The following ZNF212 variants were observed in gnomAD, a reference collection of about 807,000 sequenced individuals.
ZNF212 encodes the protein zinc finger protein 212, also known as Zinc finger protein C2H2-150.
Under a neutral mutation model 47.3 loss-of-function variants are expected in ZNF212, and 32 were observed. The observed-to-expected ratio is 0.68, with a 90% confidence interval of 0.51 to 0.91. ZNF212 has a LOEUF of 0.91. Among genes scored for constraint, ZNF212 ranks in the 40% least tolerant of loss-of-function variants. The probability of loss-of-function intolerance (pLI) is 0.00; values close to 1 mark genes in which losing one functional copy is unlikely to be tolerated. For synonymous variants in ZNF212, 242 were observed against 253.8 expected (o/e 0.95, Z 0.44); for missense variants, 555 against 622.8 (o/e 0.89, Z 1.16).
chr7:149,247,671 A>G (rs1035428580), intron 1 of ZNF212, among the ~76,000 whole-genome samples: 17 of 152,108 alleles, frequency 1.1e-4, no homozygotes, highest in African/African-American at 2.9e-4. Context: ...ACAGTTCTGG[A>G]GGTTAGGAGT....
intron 1 of ZNF212, among the ~76,000 whole-genome samples, chr7:149,243,458 A>G (rs567477745): frequency 2.5e-4 from 36 of 144,400 alleles, no homozygotes; most frequent in Middle Eastern, 7.0e-3. Context: ...AAAAAAAAAA[A>G]AGAGAGAGAG....
chr7:149,247,817 A>G (rs1185376401), intron 1 of ZNF212, among the ~76,000 whole-genome samples: 1 of 152,188 alleles, frequency 6.6e-6, no homozygotes, highest in Non-Finnish European at 1.5e-5. Flanking sequence ...ATGGCCCATT[A>G]TGTATTGGTG....
intron 3 of ZNF212, among the ~76,000 whole-genome samples, chr7:149,251,818 A>G (rs886093334): frequency 6.6e-6 from 1 of 151,486 alleles, no homozygotes; most frequent in African/African-American, 2.4e-5. Flanking sequence ...ATTTAAGACT[A>G]TTTGAGATGG....
Position 149,254,099 on chromosome 7 carries a change from AC to A in ZNF212, c.1174del (p.Leu392CysfsTer135). ...AGCCTGGTGACCCATCAGCGTTGCC[AC>A]CTGCAGGAGGGGCCCAGTGCCGGCC... Reference protein sequence around the residue: ...KVSLVTHQRCHLQEGPSAGQH... With the variant: ...KVSLVTHQRCXLQEGPSAGQH... On this transcript the variant is annotated frameshift_variant, in exon 5 of 5. Transcript: ENST00000335870. LOFTEE classifies it high-confidence loss of function. The surrounding 1 kb of genome is among the most constrained non-coding windows in gnomAD (Gnocchi z 4.5). The A allele has an allele frequency of 3.1e-6, 5 of 1,613,292 alleles. No individual in the cohort carries two copies. The highest frequency in any genetic ancestry group is 4.2e-6 in the Non-Finnish European group (5 of 1,179,642).
At position 149,249,631 on chromosome 7, in the gene ZNF212, T is replaced by C. The variant is rs1162054501; in HGVS notation, c.25-528T>C. On this transcript the variant is annotated intron_variant, in intron 1 of 4. Coordinates refer to ENST00000335870, the MANE Select transcript of ZNF212 (RefSeq NM_012256.4). ...ACCAAAATTCAAACAGCTTCTTTCT[T>C]TCTTTTTCTTTTTTGAGACAGGGTC... Among the ~76,000 whole-genome samples, 3 of 152,154 alleles carry C rather than the reference T, an allele frequency of 2.0e-5. No individual in the cohort carries two copies. The East Asian group carries it at 5.8e-4, about 29-fold the overall frequency.
At chr7:149,240,331 A>G (rs898433592) in intron 1 of ZNF212, among the ~76,000 whole-genome samples, 9 of 152,068 alleles carry the variant, frequency 5.9e-5, no homozygotes, top group Non-Finnish European at 1.3e-4. Flanking sequence ...GATGTTATCT[A>G]CAGTGCAGTT....
At chr7:149,240,187 C>T (rs1319165564) in intron 1 of ZNF212, 2 of 215,904 alleles carry the variant, frequency 9.3e-6, no homozygotes, top group Non-Finnish European at 1.8e-5. Flanking sequence ...GCCCGGGAGA[C>T]CCCAGGACTT....
At chr7:149,244,384 C>T (rs1390076312) in intron 1 of ZNF212, among the ~76,000 whole-genome samples, 1 of 152,114 alleles carries the variant, frequency 6.6e-6, no homozygotes, top group African/African-American at 2.4e-5. Flanking sequence ...GCGATCTCGG[C>T]TCACTGCAAG....
rs1337153197 is a variant in ZNF212 at position 149,253,587 on chromosome 7, A to G, written c.660A>G (p.Leu220=). ...GTGGGGTCATGATCAAACAGGAGCT[A>G]CAGTATACACAGGAAGGCCCTGCGG... ...PAGGVMIKQE[L]QYTQEGPADL... is the part of the protein sequence containing the mutation. Residue 220 remains leucine (L), a synonymous_variant, in exon 5 of 5, where the codon CTA becomes CTG. Transcript: ENST00000335870. The G allele has an allele frequency of 6.2e-7, 1 of 1,611,104 alleles. No homozygotes were observed. The highest frequency in any genetic ancestry group is 1.7e-5 in the Admixed American group (1 of 59,950).
At position 149,252,935 on chromosome 7, in the gene ZNF212, G is replaced by C. The variant is rs769355908; in HGVS notation, c.631+140G>C. 7 of 777,310 alleles carry C rather than the reference G, an allele frequency of 9.0e-6. No individual in the cohort carries two copies. The Admixed American group carries it at 1.7e-4, about 18-fold the overall frequency. 48.2% of individuals were successfully genotyped at this position (777,310 alleles called of 1,614,324 possible). A position where few individuals can be genotyped will look rare whatever the true frequency, so the allele number is the denominator to read the frequency against. On this transcript the variant is annotated intron_variant, in intron 4 of 4. Transcript: ENST00000335870. ...TGTTCTGGACTCCTTTATGATTGTC[G>C]TTAGTTCAGCTGTTACATATGCCTC...
chr7:149,242,144 C>T (rs1796601990), intron 1 of ZNF212, among the ~76,000 whole-genome samples: 1 of 151,052 alleles, frequency 6.6e-6, no homozygotes, highest in Non-Finnish European at 1.5e-5. Context: ...GCCTCAGCCT[C>T]CGGAGTAGCT....
At chr7:149,250,094 T>G in intron 1 of ZNF212, 65 bp from the exon 2 acceptor site, 1 of 1,449,350 alleles carries the variant, frequency 6.9e-7, no homozygotes, top group Non-Finnish European at 9.1e-7. Context: ...ACTGATACAC[T>G]TGAACACTGC....
chr7:149,243,451 AAAAAAAAAG>A (rs1796627329), intron 1 of ZNF212, among the ~76,000 whole-genome samples: 1 of 150,076 alleles, frequency 6.7e-6, no homozygotes, highest in African/African-American at 2.4e-5. Context: ...AAAAAAAAAA[AAAAAAAAAG>A]AGAGAGAGAG....
chr7:149,246,657 T>C (rs1218733379), intron 1 of ZNF212, among the ~76,000 whole-genome samples: 1 of 152,110 alleles, frequency 6.6e-6, no homozygotes, highest in Non-Finnish European at 1.5e-5. Flanking sequence ...CCCAAAGTGC[T>C]GGGGTTATAG....
intron 1 of ZNF212, among the ~76,000 whole-genome samples, chr7:149,240,492 C>T (rs1405588548): frequency 6.7e-6 from 1 of 149,244 alleles, no homozygotes; most frequent in Non-Finnish European, 1.5e-5. Flanking sequence ...ACGAAGCTTT[C>T]AGCTGTCCAT....
rs1796613983 is a variant in ZNF212 at position 149,242,892 on chromosome 7, C to T, written c.24+3090C>T. 3.3e-5 allele frequency among the ~76,000 whole-genome samples: 5 copies of T among 151,786 alleles called. No individual in the cohort carries two copies. The South Asian group carries it at 1.0e-3, about 32-fold the overall frequency. On this transcript the variant is annotated intron_variant, in intron 1 of 4. Transcript: ENST00000335870. ...AACTCGAAATTGGTCGTATAACTTA[C>T]AGATCAGAAAGGGGGATAATGGAAT...
chr7:149,244,686 A>G (rs1563187576), intron 1 of ZNF212, among the ~76,000 whole-genome samples: 1 of 152,202 alleles, frequency 6.6e-6, no homozygotes, highest in Non-Finnish European at 1.5e-5. Context: ...AAAACAAAAG[A>G]GAGGAGGCAA....
chr7:149,250,161 C>T lies in ZNF212; in HGVS notation c.27C>T (p.His9=). 10 of 1,523,614 alleles carry T rather than the reference C, an allele frequency of 6.6e-6. No individual in the cohort carries two copies. Among genetic ancestry groups the T allele is most frequent in the South Asian group, 1.3e-5 (1 of 75,792 alleles). The allele number at this position is 1,523,614 out of a possible 1,614,324, so 94.4% of individuals were successfully genotyped here. The change falls in exon 2 of 5, where the codon CAC becomes CAT. Residue 9 remains histidine, a splice_region_variant and synonymous_variant. Coordinates refer to ENST00000335870, the MANE Select transcript of ZNF212 (RefSeq NM_012256.4). The part of the protein sequence containing the change: MAESAPAR[H]RRKRRSTPLT... The stretch of plus-strand genomic sequence containing the variant: ...ACCCTGTGTCTTTAATCCATCAGCA[C>T]AGGAGAAAACGACGCTCCACACCTT...
In ZNF212 at chr7:149,254,674, T is replaced by C; in HGVS notation, c.*259T>C. 2.0e-6 allele frequency: 1 copy of C among 488,670 alleles called. No individual in the cohort carries two copies. The highest frequency in any genetic ancestry group is 3.7e-5 in the East Asian group (1 of 27,002). 30.3% of individuals were successfully genotyped at this position (488,670 alleles called of 1,614,324 possible). On this transcript the variant is annotated 3_prime_UTR_variant, in exon 5 of 5. Transcript: ENST00000335870. The surrounding 1 kb of genome is among the most constrained non-coding windows in gnomAD (Gnocchi z 4.5). Reference sequence around the variant, plus strand: ...TGGTTTTCTCATTCATGCCAATGCTTGTGGGCTGGGGTTGGCGTTCTGACC... The same window carrying C: ...TGGTTTTCTCATTCATGCCAATGCTCGTGGGCTGGGGTTGGCGTTCTGACC...
Sources: gnomAD v4.1 joint callset for allele counts (sites outside exome capture counted in the v4.1 genomes callset) on GRCh38, gnomAD v4.1.1 for gene constraint, Gnocchi (gnomAD v3.1) non-coding constraint, MANE v1.5 for transcripts, NCBI Gene and HGNC (gene_info 2026-07-23, HGNC 2026-07-21) for gene names.